The following LY86 variants were observed in gnomAD, a reference collection of about 807,000 sequenced individuals.
LY86 encodes lymphocyte antigen 86, also known as MD-1, RP105-associated.
In LY86, 20 loss-of-function variants were observed where a neutral mutation model predicts 17.3. The ratio of observed to expected loss-of-function variants is 1.15; its 90% confidence interval spans 0.81 to 1.68. The LOEUF (loss-of-function observed/expected upper bound fraction) is 1.68, where lower values mean the gene tolerates loss of function less well. LY86 is among the 40% of genes most tolerant of loss of function. The pLI is 0.00. For missense variants in LY86, 200 were observed against 191.9 expected (o/e 1.04, Z -0.25); for synonymous variants, 74 against 70.6 (o/e 1.05, Z -0.24).
chr6:6,612,376 T>TA (rs1262024607), intron 1 of LY86, among the ~76,000 whole-genome samples: 1 of 152,228 alleles, frequency 6.6e-6, no homozygotes, highest in African/African-American at 2.4e-5. Flanking sequence ...TTTGGAGTGT[T>TA]AATCATTTAT....
intron 1 of LY86, among the ~76,000 whole-genome samples, chr6:6,614,819 TGA>T (rs147305754): frequency 0.02 from 2,979 of 152,110 alleles, 88 homozygotes; most frequent in South Asian, 0.11. Flanking sequence ...AAAGAATTCT[TGA>T]GAGTCGCTTG....
intron 1 of LY86, among the ~76,000 whole-genome samples, chr6:6,601,330 C>T (rs59213033): frequency 6.6e-6 from 1 of 152,062 alleles, no homozygotes; most frequent in Admixed American, 6.5e-5. Context: ...CTCAACCATG[C>T]CAGAAGATGG....
intron 3 of LY86, among the ~76,000 whole-genome samples, chr6:6,638,553 T>C (rs1173750654): frequency 6.6e-6 from 1 of 152,202 alleles, no homozygotes; most frequent in Non-Finnish European, 1.5e-5. Context: ...TAGCCACACA[T>C]GCCTGGTGAC....
At chr6:6,636,155 C>A (rs1044799408) in intron 3 of LY86, among the ~76,000 whole-genome samples, 1 of 152,158 alleles carries the variant, frequency 6.6e-6, no homozygotes, top group African/African-American at 2.4e-5. Flanking sequence ...GATGCTGGCC[C>A]AGGGACCACA....
chr6:6,647,600 A>G (rs1762123716), intron 3 of LY86, among the ~76,000 whole-genome samples: 1 of 152,164 alleles, frequency 6.6e-6, no homozygotes, highest in South Asian at 2.1e-4. Context: ...AGCATTCAGC[A>G]TGGCTGGCAA....
intron 1 of LY86, chr6:6,621,275 C>T (rs3804474): frequency 0.54 from 82,010 of 152,042 alleles, 22,736 homozygotes; most frequent in Middle Eastern, 0.71. Context: ...GATGTTATTG[C>T]TTCAGAAAGT....
At chr6:6,641,454 C>G (rs4246078) in intron 3 of LY86, among the ~76,000 whole-genome samples, 102,399 of 152,034 alleles carry the variant, frequency 0.67, 35,976 homozygotes, top group African/African-American at 0.89. Flanking sequence ...CGCATACCCT[C>G]TTCCTCCCCT....
chr6:6,599,841 C>G (rs1164188354), intron 1 of LY86, among the ~76,000 whole-genome samples: 1 of 119,378 alleles, frequency 8.4e-6, no homozygotes, highest in Non-Finnish European at 1.9e-5. Context: ...CAGCAGAGCC[C>G]GACAGCACCC....
chr6:6,619,139 T>C (rs1252493882), intron 1 of LY86, among the ~76,000 whole-genome samples: 3 of 152,274 alleles, frequency 2.0e-5, no homozygotes, highest in South Asian at 4.1e-4. Flanking sequence ...CCAGTAAAAG[T>C]ACAGCCATGA....
chr6:6,597,886 G>C (rs1275805113), intron 1 of LY86, among the ~76,000 whole-genome samples: 1 of 152,246 alleles, frequency 6.6e-6, no homozygotes, highest in African/African-American at 2.4e-5. Flanking sequence ...GCGTCCAAAG[G>C]CTCTCTTATT....
At chr6:6,605,074 A>C (rs1040942982) in intron 1 of LY86, among the ~76,000 whole-genome samples, 1 of 151,962 alleles carries the variant, frequency 6.6e-6, no homozygotes, top group African/African-American at 2.4e-5. Flanking sequence ...CTCTCACTAA[A>C]AGAACTTTAA....
At chr6:6,594,876 T>C (rs995272974) in intron 1 of LY86, among the ~76,000 whole-genome samples, 3 of 152,206 alleles carry the variant, frequency 2.0e-5, no homozygotes, top group African/African-American at 7.2e-5. Context: ...TTAAGCATTT[T>C]AATAAAGTAA....
intron 1 of LY86, among the ~76,000 whole-genome samples, chr6:6,593,878 A>G (rs1187793690): frequency 6.6e-6 from 1 of 152,212 alleles, no homozygotes; most frequent in Non-Finnish European, 1.5e-5. Context: ...TACATTCTGC[A>G]AAGGGCCAAG....
At chr6:6,593,444 G>C (rs1760594458) in intron 1 of LY86, among the ~76,000 whole-genome samples, 1 of 152,200 alleles carries the variant, frequency 6.6e-6, no homozygotes, top group Admixed American at 6.5e-5. Flanking sequence ...TGTTCCAGGG[G>C]TTAAGAGGTA....
chr6:6,617,780 AAC>A (rs1761588488), intron 1 of LY86, among the ~76,000 whole-genome samples: 1 of 152,166 alleles, frequency 6.6e-6, no homozygotes, highest in South Asian at 2.1e-4. Flanking sequence ...CCCTCTTGGT[AAC>A]ACACAATAAA....
At chr6:6,638,381 C>T (rs1220702023) in intron 3 of LY86, among the ~76,000 whole-genome samples, 2 of 152,296 alleles carry the variant, frequency 1.3e-5, no homozygotes, top group East Asian at 3.9e-4. Context: ...TTTTATGTCG[C>T]ATATATGGTT....
intron 1 of LY86, among the ~76,000 whole-genome samples, chr6:6,607,489 CA>C (rs1329052614): frequency 2.0e-5 from 3 of 150,794 alleles, no homozygotes; most frequent in Non-Finnish European, 4.5e-5. Context: ...ATAAACAAAA[CA>C]ATAAAAACAA....
Position 6,654,895 on chromosome 6 carries a change from T to G in LY86, c.*268T>G. On this transcript the variant is annotated 3_prime_UTR_variant, in exon 5 of 5. Coordinates refer to ENST00000230568, the MANE Select transcript of LY86 (RefSeq NM_004271.4). ...TTGAGGGTCCATCCTTTTTCTCTAA[T>G]TGGTCGCCTCCCACCAGACTCACCT... is the stretch of plus-strand genomic sequence containing the variant. 1 of 409,854 alleles carries G rather than the reference T, an allele frequency of 2.4e-6. No homozygotes were observed. The allele number at this position is 409,854 out of a possible 1,614,324, so 25.4% of individuals were successfully genotyped here.
chr6:6,602,697 T>C (rs1163662772), intron 1 of LY86, among the ~76,000 whole-genome samples: 2 of 152,144 alleles, frequency 1.3e-5, no homozygotes, highest in Non-Finnish European at 2.9e-5. Flanking sequence ...TTGTGAAACA[T>C]GCCTTAGAGA....
Sources: allele counts gnomAD v4.1 joint callset (sites outside exome capture counted in the v4.1 genomes callset), GRCh38; gene constraint gnomAD v4.1.1; transcripts MANE v1.5; gene names NCBI Gene and HGNC (gene_info 2026-07-23, HGNC 2026-07-21).